Variants in FAT3 observed in about 807,000 individuals in gnomAD.
The protein encoded by FAT3 is FAT atypical cadherin 3.
A neutral mutation model predicts 310.2 loss-of-function variants in FAT3; 95 were observed. The ratio of observed to expected loss-of-function variants is 0.31; its 90% CI spans 0.26 to 0.36. FAT3 has a LOEUF of 0.36. Ranked by LOEUF, FAT3 falls within the 10% of genes least tolerant of loss-of-function variation. The pLI is 1.00. For synonymous variants in FAT3, 2,314 were observed against 2,192.9 expected, an observed-to-expected ratio of 1.06 and a Z score of -1.54; for missense variants, 5,408 against 5,715.6, an observed-to-expected ratio of 0.95 and a Z score of 1.74.
chr11:92,561,601 CTATTTATTTATTTATCATT>C (rs1390409044), intron 3 of FAT3, among the ~76,000 whole-genome samples: 3 of 151,744 alleles, frequency 2.0e-5, no homozygotes, highest in Admixed American at 2.0e-4. Flanking sequence ...CTTTTATTAT[CTATTTATTTATTTATCATT>C]TATTTATTTA....
chr11:92,451,242 G>A (rs983132176), intron 2 of FAT3, among the ~76,000 whole-genome samples: 2 of 152,106 alleles, frequency 1.3e-5, no homozygotes, highest in African/African-American at 4.8e-5. Flanking sequence ...TTTATGGCCA[G>A]GTTCATTGGT....
chr11:92,786,893 C>T (rs1946908227), intron 7 of FAT3, among the ~76,000 whole-genome samples: 1 of 152,210 alleles, frequency 6.6e-6, no homozygotes, highest in Non-Finnish European at 1.5e-5. Context: ...GATTCATCTA[C>T]TCACTGGAAG....
chr11:92,751,739 C>A (rs904532192), intron 4 of FAT3, among the ~76,000 whole-genome samples: 2 of 152,036 alleles, frequency 1.3e-5, no homozygotes, highest in African/African-American at 4.8e-5. Context: ...CAAAGGCACA[C>A]GTGGGAAGGG....
chr11:92,854,173 C>T (rs1197215953), intron 19 of FAT3, among the ~76,000 whole-genome samples: 1 of 152,192 alleles, frequency 6.6e-6, no homozygotes, highest in Non-Finnish European at 1.5e-5. Context: ...TGAATGCATG[C>T]ATATCCATCC....
intron 3 of FAT3, among the ~76,000 whole-genome samples, chr11:92,568,119 T>C (rs1955536112): frequency 1.3e-5 from 2 of 152,284 alleles, no homozygotes; most frequent in African/African-American, 4.8e-5. Context: ...CCTGACAGTA[T>C]TCTAGGCACT....
At chr11:92,623,605 T>C (rs1353095258) in intron 3 of FAT3, among the ~76,000 whole-genome samples, 1 of 152,200 alleles carries the variant, frequency 6.6e-6, no homozygotes, top group African/African-American at 2.4e-5. Context: ...GTTTTTTAAT[T>C]ATAACATTTA....
rs367969107 is a variant in FAT3, at chr11:92,792,764, A to T, written c.4612-3A>T. 1.2e-6 allele frequency: 2 copies of T among 1,613,392 alleles called. No individual in the cohort carries two copies. Among genetic ancestry groups the T allele is most frequent in the South Asian group, 2.2e-5 (2 of 91,020 alleles). Reference sequence around the variant, plus strand: ...CCCACCACTTCTTGTATTTTGCCTAAAGGTCAGAGATCAGGAGTTTCCTTA... The same window carrying T: ...CCCACCACTTCTTGTATTTTGCCTATAGGTCAGAGATCAGGAGTTTCCTTA... On this transcript the variant is annotated splice_region_variant and splice_polypyrimidine_tract_variant and intron_variant, in intron 8 of 27. Transcript: ENST00000525166.
intron 4 of FAT3, among the ~76,000 whole-genome samples, chr11:92,698,515 A>T (rs962634690): frequency 6.6e-6 from 1 of 152,180 alleles, no homozygotes; most frequent in Non-Finnish European, 1.5e-5. Flanking sequence ...ACCTCAAAAG[A>T]TCACTCTTAG....
intron 19 of FAT3, among the ~76,000 whole-genome samples, chr11:92,845,385 G>A (rs542318146): frequency 5.5e-4 from 84 of 152,302 alleles, no homozygotes; most frequent in Non-Finnish European, 1.1e-3. Flanking sequence ...CCAGAGGCAG[G>A]GAAACAAGTT....
Position 92,849,461 on chromosome 11 carries a change from C to T in FAT3, c.11365+4729C>T, listed in dbSNP as rs115651329. Reference sequence around the variant, plus strand: ...CATCTAGCTGTATCCCTCAGAGCCACGCAGACCCAACCTGGCTAACCCTGC... The same window carrying T: ...CATCTAGCTGTATCCCTCAGAGCCATGCAGACCCAACCTGGCTAACCCTGC... On this transcript the variant is annotated intron_variant, in intron 19 of 27. Coordinates refer to ENST00000525166, the MANE Select transcript of FAT3 (RefSeq NM_001367949.2). Among the ~76,000 whole-genome samples, 845 of 152,310 alleles carry T rather than the reference C, an allele frequency of 5.5e-3. 10 individuals are homozygous for T. Among genetic ancestry groups the T allele is most frequent in the African/African-American group, 0.019 (783 of 41,558 alleles).
Position 92,680,456 on chromosome 11 carries a change from C to T in FAT3, c.3608-16928C>T, listed in dbSNP as rs1943448415. Among the ~76,000 whole-genome samples, 3 of 152,286 alleles carry T rather than the reference C, an allele frequency of 2.0e-5. No individual in the cohort carries two copies. The East Asian group carries it at 5.8e-4, about 29-fold the overall frequency. On this transcript the variant is annotated intron_variant, in intron 3 of 27. Coordinates refer to ENST00000525166, the MANE Select transcript of FAT3 (RefSeq NM_001367949.2). The stretch of plus-strand genomic sequence containing the variant: ...TATTTCTGGGTTCTCTATTCTGGTC[C>T]ATTGATCTATGTGCCTATTTTTATA...
chr11:92,400,554 C>T (rs1404280757), intron 2 of FAT3: 3 of 152,064 alleles, frequency 2.0e-5, no homozygotes, highest in African/African-American at 7.2e-5. Context: ...AAGGTCATAT[C>T]ATTGCATATT....
intron 4 of FAT3, among the ~76,000 whole-genome samples, chr11:92,746,129 G>A (rs114699565): frequency 1.3e-5 from 2 of 152,200 alleles, no homozygotes; most frequent in East Asian, 1.9e-4. Flanking sequence ...TAGGCAAAAT[G>A]TAAGTTATTA....
chr11:92,661,988 G>A (rs1025782607), intron 3 of FAT3, among the ~76,000 whole-genome samples: 1 of 152,028 alleles, frequency 6.6e-6, no homozygotes, highest in African/African-American at 2.4e-5. Flanking sequence ...GACTCTCTTG[G>A]TAGCCAAGCA....
intron 2 of FAT3, among the ~76,000 whole-genome samples, chr11:92,370,738 T>G (rs1047443650): frequency 2.0e-5 from 3 of 152,232 alleles, no homozygotes; most frequent in Non-Finnish European, 4.4e-5. Flanking sequence ...AGTTTGAGTT[T>G]GGTTTATGGT....
At chr11:92,716,161 G>A (rs963434468) in intron 4 of FAT3, among the ~76,000 whole-genome samples, 1 of 152,142 alleles carries the variant, frequency 6.6e-6, no homozygotes, top group Non-Finnish European at 1.5e-5. Context: ...GGTAGTGGTA[G>A]CAGTAAGATA....
intron 1 of FAT3, chr11:92,314,347 T>G (rs746413454): frequency 2.2e-5 from 21 of 938,540 alleles, no homozygotes; most frequent in African/African-American, 5.3e-5. Context: ...TTTGATAATT[T>G]TTACATTTGT....
chr11:92,380,602 T>G (rs1476183421), intron 2 of FAT3, among the ~76,000 whole-genome samples: 2 of 152,172 alleles, frequency 1.3e-5, no homozygotes, highest in Non-Finnish European at 2.9e-5. Context: ...TTTATAGAGC[T>G]GAGGCAAATC....
At chr11:92,424,096 G>GT (rs1225880517) in intron 2 of FAT3, among the ~76,000 whole-genome samples, 7 of 152,078 alleles carry the variant, frequency 4.6e-5, no homozygotes, top group Non-Finnish European at 8.8e-5. Flanking sequence ...GCTTTGTTTT[G>GT]TTTTTTTATT....
Sources: gnomAD v4.1 joint callset for allele counts (sites outside exome capture counted in the v4.1 genomes callset) on GRCh38, gnomAD v4.1.1 for gene constraint, MANE v1.5 for transcripts, NCBI Gene and HGNC (gene_info 2026-07-23, HGNC 2026-07-21) for gene names.